ANGPTL1: variants seen among roughly 807,000 people sequenced by gnomAD.
ANGPTL1 encodes angiopoietin-related protein 1.
Under a neutral mutation model 46.7 loss-of-function variants are expected in ANGPTL1, and 36 were observed. The observed-to-expected ratio is 0.77, with a 90% CI of 0.59 to 1.02. The LOEUF (loss-of-function observed/expected upper bound fraction) is 1.02, where lower values mean the gene tolerates loss of function less well. Among genes scored for constraint, ANGPTL1 ranks in the 50% least tolerant of loss-of-function variants. ANGPTL1 has a pLI of 0.00. For missense variants in ANGPTL1, 571 were observed against 594.7 expected, an observed-to-expected ratio of 0.96 and a Z score of 0.41; for synonymous variants, 221 against 204.3, an observed-to-expected ratio of 1.08 and a Z score of -0.69.
chr1:178,868,457 A>C (rs555194228), intron 2 of ANGPTL1, among the ~76,000 whole-genome samples: 1 of 152,030 alleles, frequency 6.6e-6, no homozygotes, highest in Non-Finnish European at 1.5e-5. Context: ...ACTATGAAAT[A>C]AACTACCAAA....
rs760883969 is a variant in ANGPTL1, at chr1:178,852,978, G to C, written c.1018-25C>G. ...TCTGTTAATAAGTGAAGAAACATGAGTGCATAAATAAGTATAGAGATAGTA... is the reference window on the plus strand; with the variant it reads ...TCTGTTAATAAGTGAAGAAACATGACTGCATAAATAAGTATAGAGATAGTA... On this transcript the variant is annotated intron_variant, in intron 4 of 5. Transcript: ENST00000234816. 11 of 1,588,070 alleles carry C rather than the reference G, an allele frequency of 6.9e-6. No homozygotes were observed. The Admixed American group carries it at 1.8e-4, about 26-fold the overall frequency.
intron 1 of ANGPTL1, 118 bp from the exon 2 acceptor site, chr1:178,869,341 T>C (rs528837539): frequency 3.5e-4 from 53 of 152,244 alleles, no homozygotes; most frequent in Middle Eastern, 3.4e-3. Flanking sequence ...AAGTTAAATT[T>C]ATGAAGCATT....
intron 2 of ANGPTL1, among the ~76,000 whole-genome samples, chr1:178,868,564 A>G (rs1658559394): frequency 6.6e-6 from 1 of 152,026 alleles, no homozygotes; most frequent in Non-Finnish European, 1.5e-5. Flanking sequence ...CCAGACACAG[A>G]TTTTTATAAA....
chr1:178,856,202 G>GATATATATATATATATATATATAT (rs55797277), intron 3 of ANGPTL1, among the ~76,000 whole-genome samples: 18 of 83,896 alleles, frequency 2.1e-4, no homozygotes, highest in African/African-American at 1.0e-3. Context: ...GAGAGAGAGA[G>GATATATATATATATATATATATAT]ATATATATAT....
chr1:178,853,046 A>G, intron 4 of ANGPTL1, 93 bp from the exon 5 acceptor site: 1 of 1,485,014 alleles, frequency 6.7e-7, no homozygotes, highest in African/African-American at 1.4e-5. Flanking sequence ...TAGCATAAAG[A>G]TACTGGCCAT....
intron 3 of ANGPTL1, 22 bp downstream of exon 3, chr1:178,864,932 T>C (rs1175507355): frequency 7.1e-7 from 1 of 1,403,616 alleles, no homozygotes; most frequent in Middle Eastern, 1.9e-4. Flanking sequence ...ACTCCCACTT[T>C]TTACAGTAAG....
chr1:178,852,111 C>G (rs1657211525), intron 5 of ANGPTL1, among the ~76,000 whole-genome samples: 4 of 152,152 alleles, frequency 2.6e-5, no homozygotes, highest in Admixed American at 2.6e-4. Context: ...CACCATGTAT[C>G]CAAATGGCTT....
At position 178,850,506 on chromosome 1, in the gene ANGPTL1, T is replaced by G. The variant is rs911867566; in HGVS notation, c.*623A>C. ...AAATTATGCATGCATTATTTTTGGG[T>G]TTTTTTTTATTTTTAAAAATGATAT... is the stretch of plus-strand genomic sequence containing the variant. On this transcript the variant is annotated 3_prime_UTR_variant, in exon 6 of 6. Transcript: ENST00000234816. 5.3e-5 allele frequency: 7 copies of G among 132,736 alleles called. No homozygotes were observed. Among genetic ancestry groups the G allele is most frequent in the African/African-American group, 1.5e-4 (5 of 33,350 alleles). 8.2% of individuals were successfully genotyped at this position (132,736 alleles called of 1,614,324 possible). A position where few individuals can be genotyped will look rare whatever the true frequency, so the allele number is the denominator to read the frequency against.
intron 2 of ANGPTL1, among the ~76,000 whole-genome samples, chr1:178,867,650 G>A (rs1658498423): frequency 2.0e-5 from 3 of 151,828 alleles, no homozygotes; most frequent in Non-Finnish European, 2.9e-5. Context: ...TTCATTGACC[G>A]GTTACTTAAT....
At chr1:178,858,450 AATTG>A (rs1255052868) in intron 3 of ANGPTL1, among the ~76,000 whole-genome samples, 4 of 152,170 alleles carry the variant, frequency 2.6e-5, no homozygotes, top group African/African-American at 7.2e-5. Context: ...TTCAGAAATA[AATTG>A]ATTGATCTGT....
intron 1 of ANGPTL1, among the ~76,000 whole-genome samples, chr1:178,870,005 A>T (rs147910690): frequency 6.6e-6 from 1 of 152,058 alleles, no homozygotes; most frequent in Non-Finnish European, 1.5e-5. Flanking sequence ...CTTATTTTCT[A>T]TTGTTAATAC....
chr1:178,868,262 C>T (rs890178842), intron 2 of ANGPTL1, among the ~76,000 whole-genome samples: 8 of 151,678 alleles, frequency 5.3e-5, no homozygotes, highest in African/African-American at 9.7e-5. Flanking sequence ...TCTCCAGATT[C>T]GTGGAATTTA....
intron 3 of ANGPTL1, among the ~76,000 whole-genome samples, chr1:178,858,802 T>C (rs1657762937): frequency 6.6e-6 from 1 of 152,204 alleles, no homozygotes. Flanking sequence ...ACACTTTGAA[T>C]AGCAGCTTTA....
At chr1:178,867,613 G>A (rs1029934555) in intron 2 of ANGPTL1, among the ~76,000 whole-genome samples, 3 of 151,804 alleles carry the variant, frequency 2.0e-5, no homozygotes, top group Non-Finnish European at 2.9e-5. Flanking sequence ...CTTGTTTTTC[G>A]CTGCCTTTTC....
intron 4 of ANGPTL1, 137 bp from the exon 5 acceptor site, chr1:178,853,090 T>G: frequency 7.0e-7 from 1 of 1,431,808 alleles, no homozygotes; most frequent in Non-Finnish European, 9.1e-7. Context: ...TTTTAGTTGG[T>G]CACTTGCGTT....
intron 3 of ANGPTL1, among the ~76,000 whole-genome samples, chr1:178,859,636 G>A (rs925335054): frequency 6.7e-6 from 1 of 148,520 alleles, no homozygotes; most frequent in African/African-American, 2.5e-5. Context: ...ATAAAGGGAA[G>A]TGTACAAAAT....
intron 3 of ANGPTL1, among the ~76,000 whole-genome samples, chr1:178,862,909 A>G (rs1446299965): frequency 6.6e-6 from 1 of 152,204 alleles, no homozygotes; most frequent in Admixed American, 6.5e-5. Context: ...ATTTTGATGG[A>G]GAGAGAAAAC....
In ANGPTL1 at chr1:178,865,339, A is replaced by G. The variant is rs1167221770; in HGVS notation, c.438T>C (p.Asp146=). The G allele has an allele frequency of 6.2e-7, 1 of 1,614,096 alleles. No homozygotes were observed. The highest frequency in any genetic ancestry group is 8.5e-7 in the Non-Finnish European group (1 of 1,179,986). ...QLLHEIIRKR[D]NSLELSQLEN... ...CCAGTTGGGAAAGTTCAAGTGAATT[A>G]TCCCTCTTACGGATAATCTCATGTA... The change falls in exon 3 of 6, where the codon GAT becomes GAC. Residue 146 remains aspartate, a synonymous_variant. Coordinates refer to ENST00000234816, the MANE Select transcript of ANGPTL1 (RefSeq NM_004673.4).
intron 3 of ANGPTL1, among the ~76,000 whole-genome samples, chr1:178,859,920 T>C (rs887453663): frequency 6.6e-6 from 1 of 150,470 alleles, no homozygotes; most frequent in Non-Finnish European, 1.5e-5. Flanking sequence ...GGTTTCGCCA[T>C]GTTAGCCAGG....
Sources: gnomAD v4.1 joint callset for allele counts (sites outside exome capture counted in the v4.1 genomes callset) on GRCh38, gnomAD v4.1.1 for gene constraint, MANE v1.5 for transcripts, NCBI Gene and HGNC (gene_info 2026-07-23, HGNC 2026-07-21) for gene names.